The following SNX29 variants were observed in gnomAD, a reference collection of about 807,000 sequenced individuals.
SNX29 encodes the protein sorting nexin-29.
In SNX29, 78 loss-of-function variants were observed where a neutral mutation model predicts 102.1. The observed-to-expected ratio is 0.76, with a 90% CI of 0.64 to 0.92. The LOEUF (loss-of-function observed/expected upper bound fraction) is 0.92. SNX29 is among the 40% of genes least tolerant of loss of function. The probability of loss-of-function intolerance (pLI) is 0.00; values close to 1 mark genes in which losing one functional copy is unlikely to be tolerated. For missense variants in SNX29, 1,280 were observed against 1,061.7 expected (o/e 1.21, Z -2.86); for synonymous variants, 580 against 414.5 (o/e 1.40, Z -4.85).
At chr16:12,132,386 C>G (rs1474601228) in intron 13 of SNX29, among the ~76,000 whole-genome samples, 2 of 152,236 alleles carry the variant, frequency 1.3e-5, no homozygotes, top group Non-Finnish European at 2.9e-5. Flanking sequence ...AGGCGTGAGC[C>G]ACCATGCCTG....
chr16:12,105,064 G>T (rs530270245), intron 11 of SNX29, among the ~76,000 whole-genome samples: 2 of 152,288 alleles, frequency 1.3e-5, no homozygotes, highest in African/African-American at 2.4e-5. Flanking sequence ...GCTTACTTTG[G>T]AATTCCAGGG....
chr16:12,551,424 G>GCA (rs1441893448), intron 20 of SNX29, among the ~76,000 whole-genome samples: 2 of 152,174 alleles, frequency 1.3e-5, no homozygotes, highest in Non-Finnish European at 2.9e-5. Context: ...GCCACAGCTT[G>GCA]CACATTCGAT....
intron 3 of SNX29, among the ~76,000 whole-genome samples, chr16:12,005,000 T>G (rs6498261): frequency 0.39 from 59,923 of 152,096 alleles, 13,427 homozygotes; most frequent in Non-Finnish European, 0.52. Flanking sequence ...CAGTAAAAAT[T>G]TGTTATCCGG....
At chr16:12,298,129 C>T (rs2080042903) in intron 15 of SNX29, among the ~76,000 whole-genome samples, 2 of 152,170 alleles carry the variant, frequency 1.3e-5, no homozygotes, top group African/African-American at 4.8e-5. Context: ...GTGATTGTGC[C>T]ACTGCACTCC....
intron 19 of SNX29, among the ~76,000 whole-genome samples, chr16:12,517,331 C>T (rs2089910536): frequency 6.6e-6 from 1 of 152,200 alleles, no homozygotes; most frequent in Non-Finnish European, 1.5e-5. Context: ...GGGTCAGGGC[C>T]CTTCCTGGAT....
chr16:11,984,581 T>C (rs543665459), intron 1 of SNX29, among the ~76,000 whole-genome samples: 1 of 152,270 alleles, frequency 6.6e-6, no homozygotes, highest in East Asian at 1.9e-4. Context: ...CTATTGATTC[T>C]AGTTGTAGAA....
At chr16:12,292,462 G>A (rs1173447806) in intron 15 of SNX29, among the ~76,000 whole-genome samples, 1 of 152,150 alleles carries the variant, frequency 6.6e-6, no homozygotes, top group Non-Finnish European at 1.5e-5. Context: ...TCCCGTGGCC[G>A]CTCTTGGCCT....
chr16:12,559,632 T>G (rs577838986), intron 20 of SNX29, among the ~76,000 whole-genome samples: 1 of 152,258 alleles, frequency 6.6e-6, no homozygotes, highest in South Asian at 2.1e-4. Flanking sequence ...CACATGGCCC[T>G]GTATCCAAAT....
In SNX29 at chr16:12,572,752, G is replaced by A; in HGVS notation, c.*4123G>A. On this transcript the variant is annotated 3_prime_UTR_variant, in exon 21 of 21. Coordinates refer to ENST00000566228, the MANE Select transcript of SNX29 (RefSeq NM_032167.5). Reference sequence around the variant, plus strand: ...TGGCAAAGGAAGGGCTGGGTTTTCAGCTTCTGGGACCCGAGGAAGACCCCA... The same window carrying A: ...TGGCAAAGGAAGGGCTGGGTTTTCAACTTCTGGGACCCGAGGAAGACCCCA... The A allele has an allele frequency of 9.4e-7, 1 of 1,064,118 alleles. No homozygotes were observed. The highest frequency in any genetic ancestry group is 1.1e-6 in the Non-Finnish European group (1 of 878,564). 65.9% of individuals were successfully genotyped at this position (1,064,118 alleles called of 1,614,324 possible).
intron 20 of SNX29, among the ~76,000 whole-genome samples, chr16:12,527,634 C>T (rs971317878): frequency 6.6e-6 from 1 of 152,056 alleles, no homozygotes; most frequent in African/African-American, 2.4e-5. Flanking sequence ...AAGTGAGGCT[C>T]AAAGGGGCGA....
At chr16:12,281,047 A>C (rs1412149630) in intron 15 of SNX29, among the ~76,000 whole-genome samples, 2 of 152,168 alleles carry the variant, frequency 1.3e-5, no homozygotes, top group Non-Finnish European at 2.9e-5. Context: ...AGCTGAGACT[A>C]CAGGCATGTG....
intron 15 of SNX29, among the ~76,000 whole-genome samples, chr16:12,351,724 A>G (rs574783866): frequency 2.0e-5 from 3 of 152,078 alleles, no homozygotes; most frequent in East Asian, 3.9e-4. Flanking sequence ...GAATTACTCC[A>G]TCTCCTAAAG....
At chr16:12,566,206 T>C (rs563229724) in intron 20 of SNX29, among the ~76,000 whole-genome samples, 34 of 152,308 alleles carry the variant, frequency 2.2e-4, no homozygotes, top group African/African-American at 7.7e-4. Context: ...ACCACAGTAC[T>C]AGGATATGCT....
rs1179025280 is a variant in SNX29, at chr16:12,085,189, C to T, written c.1402+6274C>T. Among the ~76,000 whole-genome samples, 5 of 152,194 alleles carry T rather than the reference C, an allele frequency of 3.3e-5. No individual in the cohort carries two copies. The East Asian group carries it at 7.7e-4, about 23-fold the overall frequency. ...CAGTGGCTTTGCTTTTCTGCCTCCT[C>T]TTCTGTCAGCTCTTACCACCAGTTC... is the stretch of plus-strand genomic sequence containing the variant. On this transcript the variant is annotated intron_variant, in intron 11 of 20. Coordinates refer to ENST00000566228, the MANE Select transcript of SNX29 (RefSeq NM_032167.5).
At position 12,022,664 on chromosome 16, in the gene SNX29, T is replaced by G. The variant is rs149029959; in HGVS notation, c.123-4656T>G. 2.3e-4 allele frequency among the ~76,000 whole-genome samples: 35 copies of G among 152,302 alleles called. No homozygotes were observed. The East Asian group carries it at 5.8e-3, about 25-fold the overall frequency. ...AACCACTGATTAAATGACTTTCTGTTTCTATATCCAAATGTTCCTTGACTT... is the reference window on the plus strand; with the variant it reads ...AACCACTGATTAAATGACTTTCTGTGTCTATATCCAAATGTTCCTTGACTT... On this transcript the variant is annotated intron_variant, in intron 3 of 20. Coordinates refer to ENST00000566228, the MANE Select transcript of SNX29 (RefSeq NM_032167.5).
At chr16:12,090,299 C>T (rs1281969194) in intron 11 of SNX29, 1 of 152,356 alleles carries the variant, frequency 6.6e-6, no homozygotes. Context: ...TGATTGGAGC[C>T]TTCTCAGCTA....
intron 15 of SNX29, among the ~76,000 whole-genome samples, chr16:12,330,122 TTTG>T (rs1172068531): frequency 6.6e-6 from 1 of 152,088 alleles, no homozygotes; most frequent in Non-Finnish European, 1.5e-5. Flanking sequence ...ATTAGTCACT[TTTG>T]TTGTTGTTGC....
intron 15 of SNX29, among the ~76,000 whole-genome samples, chr16:12,316,262 G>C (rs150319169): frequency 1.3e-5 from 2 of 152,328 alleles, no homozygotes; most frequent in African/African-American, 4.8e-5. Flanking sequence ...ACTAGCATCA[G>C]ATTCAAAAGG....
At position 12,570,142 on chromosome 16, in the gene SNX29, A is replaced by C. The variant is rs775254536; in HGVS notation, c.*1513A>C. The C allele has an allele frequency of 9.4e-7, 1 of 1,060,932 alleles. No homozygotes were observed. The highest frequency in any genetic ancestry group is 1.1e-6 in the Non-Finnish European group (1 of 875,566). 65.7% of individuals were successfully genotyped at this position (1,060,932 alleles called of 1,614,324 possible). ...TTCATGGCCTTTAAGGAAGGCTGAG[A>C]TCACTCACACACAGCGCCCCCCCAC... is the stretch of plus-strand genomic sequence containing the variant. On this transcript the variant is annotated 3_prime_UTR_variant, in exon 21 of 21. Coordinates refer to ENST00000566228, the MANE Select transcript of SNX29 (RefSeq NM_032167.5).
Sources: gnomAD v4.1 joint callset for allele counts (sites outside exome capture counted in the v4.1 genomes callset) on GRCh38, gnomAD v4.1.1 for gene constraint, MANE v1.5 for transcripts, NCBI Gene and HGNC (gene_info 2026-07-23, HGNC 2026-07-21) for gene names.